ATIC: variants seen among roughly 807,000 people sequenced by gnomAD.
The protein encoded by ATIC is 5-aminoimidazole-4-carboxamide ribonucleotide formyltransferase/IMP cyclohydrolase, also known as bifunctional purine biosynthesis protein ATIC.
A neutral mutation model predicts 72.5 loss-of-function variants in ATIC; 64 were observed. The ratio of observed to expected loss-of-function variants is 0.88; its 90% CI spans 0.72 to 1.09. ATIC has a LOEUF of 1.09. Ranked by LOEUF, ATIC falls within the 50% of genes least tolerant of loss-of-function variation. The probability of loss-of-function intolerance (pLI) is 0.00; values close to 1 mark genes in which losing one functional copy is unlikely to be tolerated. For missense variants in ATIC, 787 were observed against 732.4 expected (o/e 1.07, Z -0.86); for synonymous variants, 281 against 267.1 (o/e 1.05, Z -0.51).
chr2:215,357,239 AAGT>A, the ATIC span, among the ~76,000 whole-genome samples: 5 of 152,178 alleles, frequency 3.3e-5, no homozygotes, highest in Admixed American at 6.5e-5. Flanking sequence ...GCCATTTACA[AAGT>A]ACCAAGTTGC....
At chr2:215,359,013 A>G in the ATIC span, among the ~76,000 whole-genome samples, 9 of 152,166 alleles carry the variant, frequency 5.9e-5, no homozygotes, top group East Asian at 1.7e-3. Context: ...CTCCCGAGTT[A>G]TGGGGACCAC....
intron 10 of ATIC, among the ~76,000 whole-genome samples, chr2:215,335,560 G>A (rs1372927333): frequency 1.3e-5 from 2 of 152,150 alleles, no homozygotes; most frequent in Non-Finnish European, 2.9e-5. Context: ...TTCTTTCCAT[G>A]GCCACTGCCA....
At chr2:215,351,869 A>G (rs1198544452), downstream of ATIC, among the ~76,000 whole-genome samples, 1 of 152,242 alleles carries the variant, frequency 6.6e-6, no homozygotes, top group Non-Finnish European at 1.5e-5. Context: ...CAACGTCAAT[A>G]GTGTCATGTT....
At chr2:215,355,608 A>G in the ATIC span, among the ~76,000 whole-genome samples, 2 of 149,624 alleles carry the variant, frequency 1.3e-5, no homozygotes, top group Non-Finnish European at 3.0e-5. Flanking sequence ...ATTCATGGAC[A>G]TTTTTATACC....
the ATIC span, among the ~76,000 whole-genome samples, chr2:215,366,308 G>A: frequency 6.6e-6 from 1 of 152,056 alleles, no homozygotes; most frequent in African/African-American, 2.4e-5. Flanking sequence ...GGAGTAGACT[G>A]TTAGGAATAG....
At chr2:215,349,507 C>T (rs746910334) in intron 15 of ATIC, 29 bp from the exon 16 acceptor site, 28 of 1,613,876 alleles carry the variant, frequency 1.7e-5, no homozygotes, top group African/African-American at 5.3e-5. Context: ...CATAAAATCG[C>T]GTTTTGAAAA....
At chr2:215,345,211 T>C (rs532533618) in intron 13 of ATIC, 1 of 364,704 alleles carries the variant, frequency 2.7e-6, no homozygotes, top group South Asian at 2.4e-5. Flanking sequence ...AGGAGGTAAG[T>C]TACGGTACTG....
At chr2:215,325,026 A>G (rs984622385) in intron 4 of ATIC, among the ~76,000 whole-genome samples, 2 of 152,146 alleles carry the variant, frequency 1.3e-5, no homozygotes, top group African/African-American at 4.8e-5. Flanking sequence ...TCCGGGGAGC[A>G]CCTGCTGACT....
chr2:215,318,650 A>C (rs1032008954), intron 3 of ATIC, among the ~76,000 whole-genome samples: 2 of 152,184 alleles, frequency 1.3e-5, no homozygotes, highest in African/African-American at 4.8e-5. Context: ...AATGAATTGT[A>C]TATAAACCGA....
chr2:215,349,039 A>C, intron 14 of ATIC, 55 bp from the exon 15 acceptor site: 1 of 1,597,012 alleles, frequency 6.3e-7, no homozygotes, highest in Admixed American at 1.7e-5. Flanking sequence ...TTTGCACCAC[A>C]TAGAACTAAA....
intron 14 of ATIC, 86 bp from the exon 15 acceptor site, chr2:215,349,008 A>G: frequency 3.0e-6 from 4 of 1,352,090 alleles, no homozygotes; most frequent in Non-Finnish European, 4.1e-6. Context: ...AAAAATGCCC[A>G]GGTGCTTTCT....
chr2:215,312,147 C>T lies in ATIC; in HGVS notation c.5C>T (p.Ala2Val), dbSNP rs138988481. Residue 2 changes from alanine (A) to valine (V), a missense_variant, in exon 1 of 16, where the codon GCT (alanine) becomes GTT (valine). Ala to Val is a moderately conservative substitution (Grantham distance 64). Coordinates refer to ENST00000236959, the MANE Select transcript of ATIC (RefSeq NM_004044.7). M[A>V]PGQLALFSVS... ...CTGAACCCAGTGCCTGCAGCCATGGCTCCCGGCCAGCTCGGTGAGGCCCTA... is the reference window on the plus strand; with the variant it reads ...CTGAACCCAGTGCCTGCAGCCATGGTTCCCGGCCAGCTCGGTGAGGCCCTA... 1,164 of 1,524,312 alleles carry T rather than the reference C, an allele frequency of 7.6e-4. 9 individuals are homozygous for T. In the African/African-American group the frequency reaches 0.014, roughly 18 times the overall value. 94.4% of individuals were successfully genotyped at this position (1,524,312 alleles called of 1,614,324 possible).
At chr2:215,327,907 T>A (rs368929990) in intron 7 of ATIC, among the ~76,000 whole-genome samples, 7,113 of 104,068 alleles carry the variant, frequency 0.068, 239 homozygotes, top group Middle Eastern at 0.095. Context: ...TTTTTTTTTT[T>A]AAATTAAGAC....
chr2:215,342,540 A>C (rs964924493), intron 12 of ATIC, among the ~76,000 whole-genome samples: 3 of 152,062 alleles, frequency 2.0e-5, no homozygotes, highest in African/African-American at 7.2e-5. Context: ...GTGATCCCTC[A>C]TGTTCTTCTG....
In ATIC at chr2:215,349,007, C is replaced by T. The variant is rs551720082; in HGVS notation, c.1504-87C>T. 35 of 1,341,614 alleles carry T rather than the reference C, an allele frequency of 2.6e-5. No individual in the cohort carries two copies. The South Asian group carries it at 4.6e-4, about 18-fold the overall frequency. 83.1% of individuals were successfully genotyped at this position (1,341,614 alleles called of 1,614,324 possible). On this transcript the variant is annotated intron_variant, in intron 14 of 15. Transcript: ENST00000236959. ...AAAAACAAGTCCTAAGAAAAATGCC[C>T]AGGTGCTTTCTGGCATGGTGATTTG... is the stretch of plus-strand genomic sequence containing the variant.
intron 4 of ATIC, among the ~76,000 whole-genome samples, chr2:215,320,592 T>A (rs1443748900): frequency 6.6e-6 from 1 of 151,996 alleles, no homozygotes; most frequent in African/African-American, 2.4e-5. Flanking sequence ...AATTTAATTT[T>A]ATTTTGAGAC....
chr2:215,357,018 A>G, the ATIC span, among the ~76,000 whole-genome samples: 7 of 152,186 alleles, frequency 4.6e-5, no homozygotes, highest in African/African-American at 1.7e-4. Flanking sequence ...TGTTTCCCAC[A>G]GCAGCCGCAC....
At chr2:215,364,500 T>A in the ATIC span, 3 of 313,708 alleles carry the variant, frequency 9.6e-6, no homozygotes, top group African/African-American at 6.4e-5. Context: ...TACCACTAAT[T>A]AATTTGAATA....
Position 215,344,846 on chromosome 2 carries a change from C to T in ATIC, c.1295C>T (p.Ser432Phe), listed in dbSNP as rs1307029461. Residue 432 changes from serine to phenylalanine, a missense_variant, in exon 13 of 16, where the codon TCT (serine) becomes TTT (phenylalanine). Coordinates refer to ENST00000236959, the MANE Select transcript of ATIC (RefSeq NM_004044.7). ...TIAVKYTQSN[S>F]VCYAKNGQVI... Reference sequence around the variant, plus strand: ...GCTGTCAAGTACACTCAGTCTAACTCTGTGTGCTACGCCAAGAACGGGCAG... The same window carrying T: ...GCTGTCAAGTACACTCAGTCTAACTTTGTGTGCTACGCCAAGAACGGGCAG... 2 of 1,613,904 alleles carry T rather than the reference C, an allele frequency of 1.2e-6. No individual in the cohort carries two copies. Among genetic ancestry groups the T allele is most frequent in the African/African-American group, 2.7e-5 (2 of 74,878 alleles).
Sources: gnomAD v4.1 joint callset for allele counts (sites outside exome capture counted in the v4.1 genomes callset) on GRCh38, gnomAD v4.1.1 for gene constraint, MANE v1.5 for transcripts, NCBI Gene and HGNC (gene_info 2026-07-23, HGNC 2026-07-21) for gene names.